Variants in SCRG1 observed in about 807,000 individuals in gnomAD.
SCRG1 encodes the protein stimulator of chondrogenesis 1, also known as scrapie-responsive protein 1.
A neutral mutation model predicts 7.7 loss-of-function variants in SCRG1; 3 were observed. The ratio of observed to expected loss-of-function variants is 0.39; its 90% CI spans 0.18 to 1.01. The LOEUF (loss-of-function observed/expected upper bound fraction) is 1.01. Ranked by LOEUF, SCRG1 falls within the 50% of genes least tolerant of loss-of-function variation. SCRG1 has a pLI of 0.36. For missense variants in SCRG1, 110 were observed against 117.2 expected (o/e 0.94, Z 0.28); for synonymous variants, 46 against 41.2 (o/e 1.12, Z -0.44).
At chr4:173,510,907 G>A in the SCRG1 span, among the ~76,000 whole-genome samples, 2 of 152,192 alleles carry the variant, frequency 1.3e-5, no homozygotes, top group Non-Finnish European at 2.9e-5. This position sits in a 1 kb window ranked among gnomAD's most constrained non-coding sequence, Gnocchi z 5.7. Flanking sequence ...CTATTCTTCT[G>A]GGCTGGCGTA....
At position 173,391,426 on chromosome 4, in the gene SCRG1, G is replaced by T. The variant is rs1397390666; in HGVS notation, c.-12C>A. ...ACCATCAGTTTCATTTTGGCTTTTG[G>T]CCCTGAAATAGAAGAAAGACCAAAA... On this transcript the variant is annotated splice_region_variant and 5_prime_UTR_variant, in exon 2 of 3. Transcript: ENST00000296506. 4 of 1,613,526 alleles carry T rather than the reference G, an allele frequency of 2.5e-6. No individual in the cohort carries two copies. The highest frequency in any genetic ancestry group is 2.2e-5 in the East Asian group (1 of 44,870).
At chr4:173,405,835 T>C (rs977433693) in intron 1 of SCRG1, among the ~76,000 whole-genome samples, 1 of 152,202 alleles carries the variant, frequency 6.6e-6, no homozygotes, top group African/African-American at 2.4e-5. Flanking sequence ...TCATCTTGTG[T>C]ATTTCCTGTC....
the SCRG1 span, among the ~76,000 whole-genome samples, chr4:173,443,832 C>A: frequency 2.0e-5 from 3 of 151,978 alleles, no homozygotes; most frequent in Non-Finnish European, 2.9e-5. Context: ...TACTTGGATT[C>A]TTCTGCATTT....
chr4:173,422,985 A>G, the SCRG1 span, among the ~76,000 whole-genome samples: 613 of 152,270 alleles, frequency 4.0e-3, 5 homozygotes, highest in African/African-American at 0.014. Context: ...TCCAAGGATT[A>G]TGTTTTCTCT....
At chr4:173,397,309 T>C (rs756595783) in intron 1 of SCRG1, among the ~76,000 whole-genome samples, 100 of 152,164 alleles carry the variant, frequency 6.6e-4, no homozygotes, top group Non-Finnish European at 1.3e-3. Context: ...TTTGGCCAAT[T>C]TGAAGAAAAT....
At chr4:173,483,129 T>C in the SCRG1 span, among the ~76,000 whole-genome samples, 14 of 76,226 alleles carry the variant, frequency 1.8e-4, no homozygotes, top group East Asian at 3.3e-3. Flanking sequence ...ATATAATGTA[T>C]ATTTTATATA....
chr4:173,488,655 A>G, the SCRG1 span, among the ~76,000 whole-genome samples: 3 of 152,186 alleles, frequency 2.0e-5, no homozygotes, highest in Non-Finnish European at 2.9e-5. Flanking sequence ...ACTGCTTTCA[A>G]TCAAGCAGGC....
the SCRG1 span, among the ~76,000 whole-genome samples, chr4:173,427,488 T>C: frequency 1.3e-5 from 2 of 152,262 alleles, no homozygotes; most frequent in Non-Finnish European, 2.9e-5. Flanking sequence ...AAGATCTTTT[T>C]ATTCTGCATC....
chr4:173,463,785 A>G, the SCRG1 span, among the ~76,000 whole-genome samples: 1 of 152,196 alleles, frequency 6.6e-6, no homozygotes. Context: ...AATACCAGTG[A>G]CAATGAACAC....
the SCRG1 span, among the ~76,000 whole-genome samples, chr4:173,442,398 G>C: frequency 3.3e-5 from 5 of 152,140 alleles, no homozygotes; most frequent in African/African-American, 4.8e-5. Context: ...ATCATGTGAC[G>C]GAACAGATGA....
the SCRG1 span, among the ~76,000 whole-genome samples, chr4:173,438,220 A>T: frequency 3.9e-5 from 6 of 151,988 alleles, no homozygotes; most frequent in African/African-American, 1.5e-4. Context: ...GGCTCAGGTG[A>T]TTCTCCTACT....
chr4:173,395,087 G>T lies in SCRG1; in HGVS notation c.-14-3659C>A, dbSNP rs184170464. 7.5e-3 allele frequency among the ~76,000 whole-genome samples: 1,134 copies of T among 152,108 alleles called. 15 individuals carry two copies. The highest frequency in any genetic ancestry group is 8.0e-3 in the Non-Finnish European group (547 of 68,000). ...TTTGGGCTAGTTTTTTGAGTTTTAGGTCTCAGTTTAAATGTCATTCCTTCA... is the reference window on the plus strand; with the variant it reads ...TTTGGGCTAGTTTTTTGAGTTTTAGTTCTCAGTTTAAATGTCATTCCTTCA... On this transcript the variant is annotated intron_variant, in intron 1 of 2. Coordinates refer to ENST00000296506, the MANE Select transcript of SCRG1 (RefSeq NM_007281.4).
the SCRG1 span, among the ~76,000 whole-genome samples, chr4:173,493,152 T>G: frequency 6.6e-6 from 1 of 152,226 alleles, no homozygotes; most frequent in African/African-American, 2.4e-5. Context: ...TATCTCAAAT[T>G]GTAATCCCCA....
the SCRG1 span, among the ~76,000 whole-genome samples, chr4:173,416,760 G>C: frequency 4.8e-3 from 737 of 152,272 alleles, 2 homozygotes; most frequent in Non-Finnish European, 8.0e-3. Flanking sequence ...TAGCGTGCTT[G>C]GTTTGTTTTT....
At chr4:173,407,981 T>C (rs1739948355), upstream of SCRG1, among the ~76,000 whole-genome samples, 1 of 152,200 alleles carries the variant, frequency 6.6e-6, no homozygotes, top group Non-Finnish European at 1.5e-5. Flanking sequence ...TTTGGAAATC[T>C]AAATAAAAGC....
chr4:173,437,695 A>T, the SCRG1 span, among the ~76,000 whole-genome samples: 1 of 152,248 alleles, frequency 6.6e-6, no homozygotes, highest in Non-Finnish European at 1.5e-5. Flanking sequence ...ATCTTGTTTG[A>T]GTTCATATAT....
At chr4:173,394,117 A>G (rs1739528905) in intron 1 of SCRG1, among the ~76,000 whole-genome samples, 1 of 152,018 alleles carries the variant, frequency 6.6e-6, no homozygotes, top group South Asian at 2.1e-4. Flanking sequence ...CATGTAAAGT[A>G]ATTATTGATA....
At chr4:173,518,184 C>T in the SCRG1 span, among the ~76,000 whole-genome samples, 3 of 152,122 alleles carry the variant, frequency 2.0e-5, no homozygotes, top group African/African-American at 7.2e-5. Context: ...TTAAAGAGGA[C>T]CGGGAGGGCA....
the SCRG1 span, chr4:173,469,024 C>G: frequency 6.6e-6 from 1 of 152,178 alleles, no homozygotes; most frequent in Non-Finnish European, 1.5e-5. Context: ...GTCCCCAGTG[C>G]AGTGATCCAA....
Sources: gnomAD v4.1 joint callset for allele counts (sites outside exome capture counted in the v4.1 genomes callset) on GRCh38, gnomAD v4.1.1 for gene constraint, Gnocchi (gnomAD v3.1) non-coding constraint, MANE v1.5 for transcripts, NCBI Gene and HGNC (gene_info 2026-07-23, HGNC 2026-07-21) for gene names.